Variants in PCDH15 observed in about 807,000 individuals in gnomAD.
The protein encoded by PCDH15 is protocadherin-15.
A neutral mutation model predicts 178.5 loss-of-function variants in PCDH15; 129 were observed. The observed-to-expected ratio is 0.72, with a 90% CI of 0.63 to 0.84. The LOEUF is 0.84. Among genes scored for constraint, PCDH15 ranks in the 40% least tolerant of loss-of-function variants. The probability of loss-of-function intolerance (pLI) is 0.00; values close to 1 mark genes in which losing one functional copy is unlikely to be tolerated. For missense variants in PCDH15, 2,230 were observed against 2,099.9 expected (o/e 1.06, Z -1.21); for synonymous variants, 800 against 732.0 (o/e 1.09, Z -1.50).
chr10:55,215,808 G>A (rs1222593676), intron 1 of PCDH15, among the ~76,000 whole-genome samples: 1 of 151,918 alleles, frequency 6.6e-6, no homozygotes, highest in African/African-American at 2.4e-5. Context: ...TGTGATTCTA[G>A]CAGTAGTTCC....
At chr10:55,101,055 T>A (rs1842564163) in intron 2 of PCDH15, among the ~76,000 whole-genome samples, 1 of 152,166 alleles carries the variant, frequency 6.6e-6, no homozygotes, top group Non-Finnish European at 1.5e-5. Context: ...TTCAGTTCCT[T>A]AATTTTTATG....
chr10:54,532,742 T>C (rs1407990878), intron 2 of PCDH15, among the ~76,000 whole-genome samples: 1 of 151,246 alleles, frequency 6.6e-6, no homozygotes, highest in Non-Finnish European at 1.5e-5. Context: ...TTTCATTCAA[T>C]GTCATTTCAT....
rs528767747 is a variant in PCDH15, at chr10:54,921,873, T to A, written c.-79-24373A>T. Reference sequence around the variant, plus strand: ...GGAGGCCTCGGGAAACTTACAACCATTGCAGAAGGCAAAAGGGAGGCAAGC... The same window carrying A: ...GGAGGCCTCGGGAAACTTACAACCAATGCAGAAGGCAAAAGGGAGGCAAGC... On this transcript the variant is annotated intron_variant, in intron 2 of 5. Transcript: ENST00000458638. Among the ~76,000 whole-genome samples the A allele has an allele frequency of 3.9e-5, 6 of 152,216 alleles. No homozygotes were observed. In the East Asian group the frequency reaches 1.2e-3, roughly 29 times the overall value.
At chr10:53,877,122 G>C (rs921121636) in intron 26 of PCDH15, among the ~76,000 whole-genome samples, 2 of 152,032 alleles carry the variant, frequency 1.3e-5, no homozygotes, top group East Asian at 3.9e-4. Flanking sequence ...AGCAGGACTT[G>C]CATGTATGTT....
chr10:54,998,510 G>T (rs1839707227), intron 2 of PCDH15, among the ~76,000 whole-genome samples: 1 of 151,860 alleles, frequency 6.6e-6, no homozygotes, highest in South Asian at 2.1e-4. Flanking sequence ...AAAAAAAATT[G>T]AAAATGTTTA....
rs34779284 is a variant in PCDH15, at chr10:55,075,366, A to ATTT, written c.-80+91207_-80+91209dup. Among the ~76,000 whole-genome samples the ATTT allele has an allele frequency of 5.5e-3, 726 of 132,294 alleles. 10 individuals are homozygous for ATTT. The highest frequency in any genetic ancestry group is 0.036 in the East Asian group (163 of 4,490). 86.8% of individuals were successfully genotyped at this position (132,294 alleles called of 152,430 possible). A position where few individuals can be genotyped will look rare whatever the true frequency, so the allele number is the denominator to read the frequency against. ...ATAACAGATTATCAATTTTGTTTAA[A>ATTT]TTTTTTTTTTTTTTTTTTGAGATGG... On this transcript the variant is annotated intron_variant, in intron 2 of 5. Transcript: ENST00000458638.
chr10:53,843,519 T>C (rs1314463492), intron 28 of PCDH15, among the ~76,000 whole-genome samples: 1 of 152,078 alleles, frequency 6.6e-6, no homozygotes, highest in Non-Finnish European at 1.5e-5. Context: ...ATGATGTTTA[T>C]GTAATGTTAA....
chr10:54,160,692 T>C (rs2045618753), intron 13 of PCDH15, among the ~76,000 whole-genome samples: 2 of 152,212 alleles, frequency 1.3e-5, no homozygotes, highest in Admixed American at 6.5e-5. Flanking sequence ...TTATAGAGAA[T>C]ACTTACCAGT....
chr10:54,632,427 G>C (rs1364792235), intron 2 of PCDH15, among the ~76,000 whole-genome samples: 1 of 151,960 alleles, frequency 6.6e-6, no homozygotes, highest in African/African-American at 2.4e-5. Flanking sequence ...TAAAATAACA[G>C]TTGAAAGCAT....
intron 1 of PCDH15, among the ~76,000 whole-genome samples, chr10:55,222,633 CTCCTTGGTTGAT>C (rs1159803668): frequency 7.3e-5 from 11 of 150,246 alleles, no homozygotes; most frequent in Non-Finnish European, 4.4e-5. Context: ...AATTTTAAGA[CTCCTTGGTTGAT>C]TCCTTGATTC....
At chr10:55,471,990 T>C (rs550151874) in intron 2 of PCDH15, among the ~76,000 whole-genome samples, 1 of 152,294 alleles carries the variant, frequency 6.6e-6, no homozygotes, top group Non-Finnish European at 1.5e-5. Flanking sequence ...TTATGCCCAG[T>C]TTCCCCATCG....
At chr10:55,598,556 A>C (rs1395796673) in intron 2 of PCDH15, among the ~76,000 whole-genome samples, 1 of 100,166 alleles carries the variant, frequency 1.0e-5, no homozygotes, top group Non-Finnish European at 2.0e-5. Flanking sequence ...ATATATATAT[A>C]TATATATATA....
At chr10:53,842,221 C>T (rs1478041563) in intron 28 of PCDH15, among the ~76,000 whole-genome samples, 1 of 152,068 alleles carries the variant, frequency 6.6e-6, no homozygotes, top group Admixed American at 6.6e-5. Context: ...ATTGCATAAC[C>T]TTAGACAAGT....
chr10:54,713,444 G>A (rs1048838565), intron 1 of PCDH15, among the ~76,000 whole-genome samples: 3 of 152,034 alleles, frequency 2.0e-5, no homozygotes, highest in South Asian at 2.1e-4. Context: ...TAGTAGCACC[G>A]TAGTGTTGTT....
intron 2 of PCDH15, among the ~76,000 whole-genome samples, chr10:55,022,520 A>G (rs1203493253): frequency 1.3e-5 from 2 of 151,894 alleles, no homozygotes; most frequent in Admixed American, 6.6e-5. Flanking sequence ...CATGTGAGGT[A>G]CTGCATTTGT....
chr10:54,859,596 C>A (rs1376524321), intron 3 of PCDH15, among the ~76,000 whole-genome samples: 1 of 151,928 alleles, frequency 6.6e-6, no homozygotes, highest in Non-Finnish European at 1.5e-5. Flanking sequence ...CAGGCAGTTT[C>A]ATTTGTTCAG....
At chr10:55,217,007 A>G (rs541012069) in intron 1 of PCDH15, among the ~76,000 whole-genome samples, 9 of 152,032 alleles carry the variant, frequency 5.9e-5, no homozygotes, top group Middle Eastern at 3.4e-3. Flanking sequence ...ACAGTTTGGT[A>G]TTTTGGCATA....
intron 25 of PCDH15, among the ~76,000 whole-genome samples, chr10:53,929,028 C>T (rs1325504581): frequency 2.0e-5 from 3 of 151,932 alleles, no homozygotes; most frequent in South Asian, 2.1e-4. Flanking sequence ...CCCATGGCAG[C>T]AATATGTTTC....
chr10:55,286,472 G>T (rs540545996), intron 1 of PCDH15, among the ~76,000 whole-genome samples: 1 of 150,402 alleles, frequency 6.6e-6, no homozygotes, highest in Non-Finnish European at 1.5e-5. Context: ...CATTAGGTTT[G>T]GTCATATCTG....
Sources: gnomAD v4.1 joint callset for allele counts (sites outside exome capture counted in the v4.1 genomes callset) on GRCh38, gnomAD v4.1.1 for gene constraint, MANE v1.5 for transcripts, NCBI Gene and HGNC (gene_info 2026-07-23, HGNC 2026-07-21) for gene names.